UNKL: variants seen among roughly 807,000 people sequenced by gnomAD.
UNKL encodes putative E3 ubiquitin-protein ligase UNKL.
A neutral mutation model predicts 78.0 loss-of-function variants in UNKL; 60 were observed. The observed-to-expected ratio is 0.77, with a 90% CI of 0.63 to 0.95. UNKL has a LOEUF of 0.95. UNKL is among the 40% of genes least tolerant of loss of function. The pLI, the probability that UNKL is intolerant of heterozygous loss-of-function variation, is 0.00. For missense variants in UNKL, 1,159 were observed against 1,045.7 expected (o/e 1.11, Z -1.49); for synonymous variants, 608 against 474.8 (o/e 1.28, Z -3.65).
rs911967997 is a variant in UNKL, at chr16:1,379,527, A to G, written c.1264+5681T>C. 1.5e-5 allele frequency: 15 copies of G among 984,558 alleles called. No individual in the cohort carries two copies. In the African/African-American group the frequency reaches 2.1e-4, roughly 14 times the overall value. 61.0% of individuals were successfully genotyped at this position (984,558 alleles called of 1,614,324 possible). The stretch of plus-strand genomic sequence containing the variant: ...CACACCCGGCTCCGTGACGCGGGGG[A>G]CGCACCTGGCGGGGGGCGCACCTAA... On this transcript the variant is annotated intron_variant, in intron 10 of 14. Transcript: ENST00000389221.
intron 9 of UNKL, 136 bp from the exon 10 acceptor site, chr16:1,385,521 G>C: frequency 3.5e-6 from 3 of 865,708 alleles, no homozygotes; most frequent in Non-Finnish European, 4.6e-6. Context: ...GAGCTTCCCA[G>C]ACCCGGAGGG....
chr16:1,385,445 G>A (rs755768692), intron 9 of UNKL, 60 bp from the exon 10 acceptor site: 29 of 1,275,656 alleles, frequency 2.3e-5, no homozygotes, highest in Middle Eastern at 2.2e-4. Flanking sequence ...GCAGCGCCAC[G>A]TCGGCACCCT....
intron 2 of UNKL, among the ~76,000 whole-genome samples, chr16:1,413,568 C>G (rs1430799156): frequency 6.6e-6 from 1 of 152,038 alleles, no homozygotes; most frequent in Non-Finnish European, 1.5e-5. Flanking sequence ...AACTCCGTCT[C>G]AAAAAACAAA....
chr16:1,370,283 G>T lies in UNKL; in HGVS notation c.1432C>A (p.Pro478Thr), dbSNP rs2035695165. The part of the protein sequence containing the change: ...SLPRAPSLHS[P>T]SSASTSPLGS... ...AGCGGCGAGGTGGACGCAGAGGATGGCGAGTGTAGCGATGGTGCTCTGGGC... is the reference window on the plus strand; with the variant it reads ...AGCGGCGAGGTGGACGCAGAGGATGTCGAGTGTAGCGATGGTGCTCTGGGC... The change falls in exon 12 of 15, where the codon CCA becomes ACA. Residue 478 changes from proline to threonine, a missense_variant. Physicochemically the swap from Pro to Thr is conservative, Grantham distance 38. Transcript: ENST00000389221. 3 of 1,534,150 alleles carry T rather than the reference G, an allele frequency of 2.0e-6. No homozygotes were observed. Among genetic ancestry groups the T allele is most frequent in the Non-Finnish European group, 1.7e-6 (2 of 1,145,314 alleles).
At chr16:1,375,584 C>A (rs1210643664) in intron 10 of UNKL, among the ~76,000 whole-genome samples, 1 of 152,190 alleles carries the variant, frequency 6.6e-6, no homozygotes, top group Non-Finnish European at 1.5e-5. Flanking sequence ...GGAGTGGCCT[C>A]CACTCCCACG....
intron 10 of UNKL, chr16:1,383,941 G>A (rs948767555): frequency 3.2e-6 from 1 of 313,294 alleles, no homozygotes. Flanking sequence ...GGCTGCAGCA[G>A]CAGAGGCCAG....
chr16:1,375,999 C>T (rs1171549657), intron 10 of UNKL, among the ~76,000 whole-genome samples: 1 of 152,240 alleles, frequency 6.6e-6, no homozygotes, highest in Non-Finnish European at 1.5e-5. Flanking sequence ...CAGAGGACCA[C>T]GCACTGAGCG....
chr16:1,412,649 T>C (rs922895912), intron 2 of UNKL, among the ~76,000 whole-genome samples: 1 of 152,192 alleles, frequency 6.6e-6, no homozygotes, highest in African/African-American at 2.4e-5. Context: ...AACTTTACTG[T>C]CTTAAAATTA....
chr16:1,392,732 G>A (rs1473360462), intron 8 of UNKL, among the ~76,000 whole-genome samples, 159 bp downstream of exon 8: 1 of 152,238 alleles, frequency 6.6e-6, no homozygotes, highest in African/African-American at 2.4e-5. Context: ...ACTGCCCCCA[G>A]CCTAGTGGCA....
At position 1,366,271 on chromosome 16, in the gene UNKL, G is replaced by C; in HGVS notation, c.2171C>G (p.Pro724Arg). ...CTGCAGGGGCTGGCCCTTGCAGTAGGGGCACTCAGGTGCGGTGGCCGCACA... is the reference window on the plus strand; with the variant it reads ...CTGCAGGGGCTGGCCCTTGCAGTAGCGGCACTCAGGTGCGGTGGCCGCACA... ...EPCAATAPEC[P>R]YCKGQPLQW The change falls in exon 15 of 15, where the codon CCC (proline) becomes CGC (arginine). Residue 724 changes from proline to arginine, a missense_variant. By Grantham distance (103) the Pro-to-Arg change is moderately radical. Coordinates refer to ENST00000389221, the MANE Select transcript of UNKL (RefSeq NM_001372107.1). 6.3e-7 allele frequency: 1 copy of C among 1,589,860 alleles called. No homozygotes were observed. The highest frequency in any genetic ancestry group is 8.6e-7 in the Non-Finnish European group (1 of 1,169,554).
In UNKL at chr16:1,414,025, G is replaced by A. The variant is rs1193935546; in HGVS notation, c.108C>T (p.Cys36=). 3.2e-6 allele frequency: 5 copies of A among 1,550,810 alleles called. No homozygotes were observed. The highest frequency in any genetic ancestry group is 1.4e-5 in the African/African-American group (1 of 73,150). ...CGCACTTGTGCTGTGAAAACAGGGG[G>A]CACTGCTCCGTCCTGAACTCCTTCA... ...RYLKEFRTEQ[C]PLFSQHKCAQ... The change falls in exon 2 of 15, where the codon TGC becomes TGT. Residue 36 remains cysteine (C), a synonymous_variant. Transcript: ENST00000389221.
intron 10 of UNKL, among the ~76,000 whole-genome samples, chr16:1,384,204 TC>T (rs1362082781): frequency 3.3e-5 from 5 of 150,144 alleles, no homozygotes. Flanking sequence ...TGGCCAGGTG[TC>T]CCCCACCACC....
At chr16:1,374,607 G>T (rs114145489) in intron 10 of UNKL, among the ~76,000 whole-genome samples, 1 of 151,988 alleles carries the variant, frequency 6.6e-6, no homozygotes, top group Admixed American at 6.6e-5. Context: ...GCAAAGAGGC[G>T]GTCACTGCCC....
intron 10 of UNKL, among the ~76,000 whole-genome samples, chr16:1,375,296 C>T (rs1336003912): frequency 6.6e-6 from 1 of 152,224 alleles, no homozygotes; most frequent in African/African-American, 2.4e-5. Flanking sequence ...TGCTCCACCA[C>T]CCAGAGCGGC....
Position 1,367,645 on chromosome 16 carries a change from C to A in UNKL, c.1788+11G>T, listed in dbSNP as rs199822814. On this transcript the variant is annotated intron_variant, in intron 13 of 14. Transcript: ENST00000389221. ...CTCCCCCTCACCTGTCTGGCCCCCC[C>A]ACACACTCACCTGCTTCACCTGCTG... is the stretch of plus-strand genomic sequence containing the variant. 1.3e-4 allele frequency: 206 copies of A among 1,557,752 alleles called. No homozygotes were observed. The highest frequency in any genetic ancestry group is 1.7e-4 in the Middle Eastern group (1 of 5,942).
rs762679201 is a variant in UNKL, at chr16:1,369,983, G to A, written c.1585+147C>T. The A allele has an allele frequency of 3.2e-6, 5 of 1,550,878 alleles. No homozygotes were observed. The South Asian group carries it at 4.8e-5, about 15-fold the overall frequency. On this transcript the variant is annotated intron_variant, in intron 12 of 14. Transcript: ENST00000389221. Reference sequence around the variant, plus strand: ...GAGCGAGACTCGGTCTGCGGCGTGGGGGAACCTGTGAGCAGCAGGTCATGT... The same window carrying A: ...GAGCGAGACTCGGTCTGCGGCGTGGAGGAACCTGTGAGCAGCAGGTCATGT...
At position 1,387,837 on chromosome 16, in the gene UNKL, T is replaced by C. The variant is rs1380420728; in HGVS notation, c.1087-2452A>G. Among the ~76,000 whole-genome samples the C allele has an allele frequency of 5.3e-5, 4 of 75,448 alleles. No homozygotes were observed. The highest frequency in any genetic ancestry group is 2.1e-4 in the African/African-American group (4 of 18,860). 49.5% of individuals were successfully genotyped at this position (75,448 alleles called of 152,430 possible). On this transcript the variant is annotated intron_variant, in intron 9 of 14. Transcript: ENST00000389221. This position sits in a 1 kb window ranked among gnomAD's most constrained non-coding sequence, Gnocchi z 4.1. Reference sequence around the variant, plus strand: ...CATCCCATCTCTTGGCAGCCCACCCTGTGTCCCGGGGTCTGCCCAGGTCCG... The same window carrying C: ...CATCCCATCTCTTGGCAGCCCACCCCGTGTCCCGGGGTCTGCCCAGGTCCG...
rs1199681405 is a variant in UNKL at position 1,388,888 on chromosome 16, CTCTG to C, written c.1086+1740_1086+1743del. Among the ~76,000 whole-genome samples the C allele has an allele frequency of 4.8e-4, 73 of 152,212 alleles. 1 individual carries two copies. Among genetic ancestry groups the C allele is most frequent in the Admixed American group, 2.0e-4 (3 of 15,286 alleles). On this transcript the variant is annotated intron_variant, in intron 9 of 14. Transcript: ENST00000389221. ...CAGCACTGCCTGCCTGGTTTTTCTTCTCTGTATTATAGTGAAATATAATATAAAA... is the reference window on the plus strand; with the variant it reads ...CAGCACTGCCTGCCTGGTTTTTCTTCTATTATAGTGAAATATAATATAAAA...
At chr16:1,401,311 T>C (rs527268670) in intron 4 of UNKL, 25 of 396,488 alleles carry the variant, frequency 6.3e-5, no homozygotes, top group Middle Eastern at 6.5e-4. Context: ...GGCCACTTGG[T>C]CAATGGCTGG....
Sources: allele counts gnomAD v4.1 joint callset (sites outside exome capture counted in the v4.1 genomes callset), GRCh38; gene constraint gnomAD v4.1.1; non-coding constraint Gnocchi (gnomAD v3.1); transcripts MANE v1.5; gene names NCBI Gene and HGNC (gene_info 2026-07-23, HGNC 2026-07-21).